Variants in ME1 observed in about 807,000 individuals in gnomAD.
The protein encoded by ME1 is malic enzyme 1, also known as NADP-dependent malic enzyme.
ME1 carries 74 observed loss-of-function variants against 66.4 expected under a neutral mutation model. The ratio of observed to expected loss-of-function variants is 1.11; its 90% CI spans 0.92 to 1.35. The LOEUF (loss-of-function observed/expected upper bound fraction) is 1.35, where lower values mean the gene tolerates loss of function less well. ME1 is among the 40% of genes most tolerant of loss of function. The pLI is 0.00. For missense variants in ME1, 750 were observed against 694.1 expected (o/e 1.08, Z -0.90); for synonymous variants, 251 against 235.6 (o/e 1.07, Z -0.60).
chr6:83,212,015 T>C lies in ME1; in HGVS notation c.1628A>G (p.Gln543Arg), dbSNP rs768186244. The change falls in exon 14 of 14, where the codon CAG (glutamine) becomes CGG (arginine). Residue 543 changes from glutamine (Q) to arginine (R), a missense_variant. Transcript: ENST00000369705. ...PQNKEAFVRS[Q>R]MYSTDYDQIL... ...CTGGTCATAATCAGTACTATACATCTGGGAGCGGACAAATGCTTCTTTGTT... is the reference window on the plus strand; with the variant it reads ...CTGGTCATAATCAGTACTATACATCCGGGAGCGGACAAATGCTTCTTTGTT... 6.2e-7 allele frequency: 1 copy of C among 1,613,284 alleles called. No homozygotes were observed. Among genetic ancestry groups the C allele is most frequent in the East Asian group, 2.2e-5 (1 of 44,798 alleles).
intron 6 of ME1, among the ~76,000 whole-genome samples, chr6:83,267,806 A>G (rs1767014067): frequency 4.6e-5 from 7 of 152,194 alleles, no homozygotes; most frequent in Admixed American, 4.6e-4. Flanking sequence ...ATAAACATAG[A>G]TATTCTGTAT....
chr6:83,398,549 C>A lies in ME1; in HGVS notation c.213-33G>T, dbSNP rs780668476. ...AATTGGACATAATTAGATCTACATC[C>A]CATAAAGTCATGAAATAGCTACTTA... On this transcript the variant is annotated intron_variant, in intron 2 of 13. Coordinates refer to ENST00000369705, the MANE Select transcript of ME1 (RefSeq NM_002395.6). 6.5e-6 allele frequency: 8 copies of A among 1,227,246 alleles called. No homozygotes were observed. In the African/African-American group the frequency reaches 1.1e-4, roughly 17 times the overall value. The allele number at this position is 1,227,246 out of a possible 1,614,324, so 76.0% of individuals were successfully genotyped here. A position where few individuals can be genotyped will look rare whatever the true frequency, so the allele number is the denominator to read the frequency against.
In ME1 at chr6:83,211,025, C is replaced by A. The variant is rs771333667; in HGVS notation, c.*899G>T. On this transcript the variant is annotated 3_prime_UTR_variant, in exon 14 of 14. Coordinates refer to ENST00000369705, the MANE Select transcript of ME1 (RefSeq NM_002395.6). ...TTCTGGCAGGTAACTCCAGTAGGAA[C>A]CTAACTTGTTGTCTTAAAGATCCTG... The A allele has an allele frequency of 6.6e-6, 1 of 152,194 alleles. No individual in the cohort carries two copies. Among genetic ancestry groups the A allele is most frequent in the Non-Finnish European group, 1.5e-5 (1 of 68,034 alleles). The allele number at this position is 152,194 out of a possible 1,614,324, so 9.4% of individuals were successfully genotyped here. A position where few individuals can be genotyped will look rare whatever the true frequency, so the allele number is the denominator to read the frequency against.
intron 4 of ME1, among the ~76,000 whole-genome samples, chr6:83,347,482 C>T (rs1768711148): frequency 6.6e-6 from 1 of 152,020 alleles, no homozygotes; most frequent in South Asian, 2.1e-4. Context: ...AGTTATTTGG[C>T]CTTGGGTGAA....
At chr6:83,251,774 T>C (rs914019024) in intron 7 of ME1, among the ~76,000 whole-genome samples, 4 of 152,200 alleles carry the variant, frequency 2.6e-5, no homozygotes, top group African/African-American at 9.6e-5. Flanking sequence ...GAGAGAAACA[T>C]GCATCAGACC....
At chr6:83,310,529 G>A (rs1767911265) in intron 6 of ME1, among the ~76,000 whole-genome samples, 1 of 152,162 alleles carries the variant, frequency 6.6e-6, no homozygotes, top group Non-Finnish European at 1.5e-5. Context: ...CTGGTAATAA[G>A]ATGGGGCTTT....
chr6:83,352,024 A>C lies in ME1; in HGVS notation c.438+40T>G, dbSNP rs768242316. On this transcript the variant is annotated intron_variant, in intron 4 of 13. Transcript: ENST00000369705. The stretch of plus-strand genomic sequence containing the variant: ...TTAAACTGTTTTATGGGACAGAAAA[A>C]AGAAAAAATTTGCTATAGTGGAAAA... 2.9e-6 allele frequency: 4 copies of C among 1,382,406 alleles called. No homozygotes were observed. In the South Asian group the frequency reaches 5.2e-5, roughly 18 times the overall value. The allele number at this position is 1,382,406 out of a possible 1,614,324, so 85.6% of individuals were successfully genotyped here.
At chr6:83,276,095 AACAT>A (rs746735661) in intron 6 of ME1, among the ~76,000 whole-genome samples, 8 of 152,194 alleles carry the variant, frequency 5.3e-5, no homozygotes, top group Non-Finnish European at 1.2e-4. Flanking sequence ...TAATCTGCAC[AACAT>A]ACAGAAAGTC....
At chr6:83,276,021 C>T (rs968188552) in intron 6 of ME1, among the ~76,000 whole-genome samples, 1 of 151,976 alleles carries the variant, frequency 6.6e-6, no homozygotes, top group Non-Finnish European at 1.5e-5. Flanking sequence ...CTGCCCGTCT[C>T]GGTCTCCGGA....
At chr6:83,304,557 T>C (rs950386639) in intron 6 of ME1, among the ~76,000 whole-genome samples, 1 of 152,182 alleles carries the variant, frequency 6.6e-6, no homozygotes, top group East Asian at 1.9e-4. Flanking sequence ...ATTTTTACCA[T>C]GTATATACAG....
chr6:83,368,285 G>A (rs770658444), intron 3 of ME1, among the ~76,000 whole-genome samples: 1 of 150,608 alleles, frequency 6.6e-6, no homozygotes, highest in Non-Finnish European at 1.5e-5. Context: ...GTGACACAAA[G>A]ATACTAGATA....
intron 3 of ME1, among the ~76,000 whole-genome samples, chr6:83,366,073 C>G (rs1286587553): frequency 6.6e-6 from 1 of 152,192 alleles, no homozygotes; most frequent in Non-Finnish European, 1.5e-5. Context: ...TTTTCAAAGT[C>G]CACTTTGTCT....
intron 1 of ME1, among the ~76,000 whole-genome samples, chr6:83,418,162 A>C (rs914236716): frequency 1.3e-5 from 2 of 152,024 alleles, no homozygotes; most frequent in African/African-American, 2.4e-5. Flanking sequence ...GCGGTTGTGA[A>C]GCTCGCTGTA....
chr6:83,420,367 C>G (rs2128553368), intron 1 of ME1, among the ~76,000 whole-genome samples: 1 of 152,278 alleles, frequency 6.6e-6, no homozygotes, highest in Non-Finnish European at 1.5e-5. Flanking sequence ...TGCGCCCAGT[C>G]TGTAGGTGGT....
intron 3 of ME1, among the ~76,000 whole-genome samples, chr6:83,377,136 A>G (rs1211970198): frequency 2.0e-5 from 3 of 152,258 alleles, no homozygotes; most frequent in Non-Finnish European, 4.4e-5. Context: ...AACAGATATT[A>G]GACCATTTGA....
At chr6:83,332,749 C>G (rs1476517327) in intron 5 of ME1, among the ~76,000 whole-genome samples, 11 of 151,940 alleles carry the variant, frequency 7.2e-5, no homozygotes, top group Admixed American at 7.2e-4. Flanking sequence ...ACACTGGAGA[C>G]TCAGATGGGA....
Position 83,358,747 on chromosome 6 carries a change from C to T in ME1, c.363-6608G>A, listed in dbSNP as rs925659173. ...GCTTCCCCATCTCCAGTAGTGGCAACATCCCCTCCTGGACCCATGATGCCA... is the reference window on the plus strand; with the variant it reads ...GCTTCCCCATCTCCAGTAGTGGCAATATCCCCTCCTGGACCCATGATGCCA... On this transcript the variant is annotated intron_variant, in intron 3 of 13. Coordinates refer to ENST00000369705, the MANE Select transcript of ME1 (RefSeq NM_002395.6). Among the ~76,000 whole-genome samples, 4 of 152,178 alleles carry T rather than the reference C, an allele frequency of 2.6e-5. No homozygotes were observed. The East Asian group carries it at 7.7e-4, about 29-fold the overall frequency.
intron 6 of ME1, among the ~76,000 whole-genome samples, chr6:83,290,155 C>T (rs571765039): frequency 6.2e-4 from 94 of 151,984 alleles, no homozygotes; most frequent in Non-Finnish European, 1.1e-3. Flanking sequence ...TTAGTTATTT[C>T]TCGTCTTCTG....
chr6:83,302,429 C>A (rs1053399508), intron 6 of ME1, among the ~76,000 whole-genome samples: 1 of 151,988 alleles, frequency 6.6e-6, no homozygotes, highest in Non-Finnish European at 1.5e-5. Flanking sequence ...ATGTAACAAA[C>A]CTGCACATGT....
Sources: gnomAD v4.1 joint callset for allele counts (sites outside exome capture counted in the v4.1 genomes callset) on GRCh38, gnomAD v4.1.1 for gene constraint, MANE v1.5 for transcripts, NCBI Gene and HGNC (gene_info 2026-07-23, HGNC 2026-07-21) for gene names.